DHRSX: variants seen among roughly 807,000 people sequenced by gnomAD.
DHRSX encodes the protein polyprenol dehydrogenase.
In DHRSX, 31 loss-of-function variants were observed where a neutral mutation model predicts 34.0. The observed-to-expected ratio is 0.91, with a 90% CI of 0.69 to 1.23. The LOEUF is 1.23. DHRSX is among the 50% of genes most tolerant of loss of function. The pLI, the probability that DHRSX is intolerant of heterozygous loss-of-function variation, is 0.00. For synonymous variants in DHRSX, 201 were observed against 183.8 expected (o/e 1.09, Z -0.76); for missense variants, 414 against 428.1 (o/e 0.97, Z 0.29).
At chrX:2,459,344 T>C (rs1057441084) in intron 1 of DHRSX, among the ~76,000 whole-genome samples, 2 of 151,956 alleles carry the variant, frequency 1.3e-5, no homozygotes, top group East Asian at 1.9e-4. Context: ...AATATGTAAA[T>C]TAGCTTGTTA....
intron 5 of DHRSX, among the ~76,000 whole-genome samples, chrX:2,255,624 A>G (rs1181450861): frequency 6.6e-6 from 1 of 152,086 alleles, no homozygotes; most frequent in Non-Finnish European, 1.5e-5. Flanking sequence ...TAGAGAATCT[A>G]TCATGGCCAG....
chrX:2,451,230 CT>C (rs762835557), intron 1 of DHRSX, among the ~76,000 whole-genome samples: 3 of 123,872 alleles, frequency 2.4e-5, no homozygotes, highest in African/African-American at 9.9e-5. Context: ...AAGACTCCAT[CT>C]TTAAAAAAAA....
At chrX:2,500,654 G>GCCCCCCCCCCCCCCCCCCC in intron 1 of DHRSX, 163 bp downstream of exon 1, 1 of 126,746 alleles carries the variant, frequency 7.9e-6, no homozygotes, top group African/African-American at 3.1e-5. Context: ...CGCGCACGCC[G>GCCCCCCCCCCCCCCCCCCC]CCCCCCCCCC....
chrX:2,402,643 G>A (rs780997056), intron 3 of DHRSX, among the ~76,000 whole-genome samples: 3 of 152,166 alleles, frequency 2.0e-5, no homozygotes, highest in African/African-American at 7.2e-5. Context: ...CCCCAGCAGT[G>A]GACATACCAG....
chrX:2,379,608 T>TTTG (rs1556497979), intron 3 of DHRSX, among the ~76,000 whole-genome samples: 2 of 143,614 alleles, frequency 1.4e-5, no homozygotes, highest in Non-Finnish European at 3.0e-5. Flanking sequence ...TTTTTTTTTT[T>TTTG]TTTTTTTTTT....
chrX:2,290,172 C>G (rs2041849203), intron 4 of DHRSX, among the ~76,000 whole-genome samples: 1 of 152,194 alleles, frequency 6.6e-6, no homozygotes, highest in South Asian at 2.1e-4. Context: ...CCTTTAAACT[C>G]TAGCATAATA....
chrX:2,468,010 T>C (rs2044523917), intron 1 of DHRSX, among the ~76,000 whole-genome samples: 1 of 149,220 alleles, frequency 6.7e-6, no homozygotes, highest in Non-Finnish European at 1.5e-5. Context: ...GGTGCACAAA[T>C]GCAGCCAGGG....
chrX:2,332,238 G>C (rs1424294624), intron 3 of DHRSX, among the ~76,000 whole-genome samples: 1 of 152,144 alleles, frequency 6.6e-6, no homozygotes, highest in Non-Finnish European at 1.5e-5. Context: ...TGAAAGGTCG[G>C]GGAGAAAACA....
At chrX:2,350,109 G>A (rs1286170607) in intron 3 of DHRSX, among the ~76,000 whole-genome samples, 6 of 152,134 alleles carry the variant, frequency 3.9e-5, no homozygotes, top group African/African-American at 1.4e-4. Flanking sequence ...ACTTTGGGAG[G>A]CTGAGGCAGG....
chrX:2,365,948 G>A (rs772096565), intron 3 of DHRSX, among the ~76,000 whole-genome samples: 13 of 152,202 alleles, frequency 8.5e-5, no homozygotes, highest in Non-Finnish European at 4.4e-5. Flanking sequence ...CTGAACACTA[G>A]CGTTCTATGA....
intron 3 of DHRSX, among the ~76,000 whole-genome samples, chrX:2,380,029 G>A (rs1333013842): frequency 8.6e-5 from 13 of 152,036 alleles, no homozygotes; most frequent in East Asian, 1.9e-4. Flanking sequence ...GGGCCCATTC[G>A]CTCACACCTG....
chrX:2,461,017 G>A (rs1231042417), intron 1 of DHRSX, among the ~76,000 whole-genome samples: 3 of 152,016 alleles, frequency 2.0e-5, no homozygotes, highest in Non-Finnish European at 2.9e-5. Flanking sequence ...CATTGTGCCC[G>A]GCCTCATACC....
At chrX:2,222,547 G>C (rs1218103219) in intron 6 of DHRSX, among the ~76,000 whole-genome samples, 3 of 152,184 alleles carry the variant, frequency 2.0e-5, no homozygotes, top group Non-Finnish European at 4.4e-5. Flanking sequence ...TAGTCTTCTG[G>C]GAGTGATGAT....
chrX:2,292,896 G>C (rs2041883644), intron 3 of DHRSX, among the ~76,000 whole-genome samples: 1 of 152,152 alleles, frequency 6.6e-6, no homozygotes, highest in Admixed American at 6.6e-5. Context: ...TGACTCAGAA[G>C]CAAGGACTTC....
chrX:2,473,640 A>T (rs2044628437), intron 1 of DHRSX, among the ~76,000 whole-genome samples: 1 of 144,886 alleles, frequency 6.9e-6, no homozygotes, highest in Admixed American at 6.7e-5. Context: ...CAAAAAAAAA[A>T]AAAAGAATGA....
rs1201364396 is a variant in DHRSX, at chrX:2,460,984, G to C, written c.110-35680C>G. 2.0e-5 allele frequency among the ~76,000 whole-genome samples: 3 copies of C among 152,086 alleles called. No individual in the cohort carries two copies. In the East Asian group the frequency reaches 5.8e-4, roughly 29 times the overall value. ...CATCCTCCTGCCTCAGCCTCCCAAAGTGCTGGGATGACAGGTGTGAGCCAT... is the reference window on the plus strand; with the variant it reads ...CATCCTCCTGCCTCAGCCTCCCAAACTGCTGGGATGACAGGTGTGAGCCAT... On this transcript the variant is annotated intron_variant, in intron 1 of 6. Transcript: ENST00000334651.
chrX:2,338,494 G>A (rs1318082513), intron 3 of DHRSX, among the ~76,000 whole-genome samples: 2 of 151,868 alleles, frequency 1.3e-5, no homozygotes, highest in Non-Finnish European at 1.5e-5. Context: ...ATGGGAGGTC[G>A]AATGGGAGGG....
intron 3 of DHRSX, among the ~76,000 whole-genome samples, chrX:2,359,933 A>G (rs1241435298): frequency 1.3e-5 from 2 of 152,152 alleles, no homozygotes; most frequent in Non-Finnish European, 2.9e-5. Context: ...AGAAGGTGGG[A>G]GGAGGGACAG....
intron 1 of DHRSX, among the ~76,000 whole-genome samples, chrX:2,432,082 G>A (rs376945448): frequency 5.9e-5 from 9 of 151,872 alleles, no homozygotes; most frequent in Non-Finnish European, 4.4e-5. Flanking sequence ...TAATCCCAGC[G>A]ACTCGGGAGG....
Sources: allele counts gnomAD v4.1 joint callset (sites outside exome capture counted in the v4.1 genomes callset), GRCh38; gene constraint gnomAD v4.1.1; transcripts MANE v1.5; gene names NCBI Gene and HGNC (gene_info 2026-07-23, HGNC 2026-07-21).